Variants in FTCDNL1 observed in about 807,000 individuals in gnomAD.
FTCDNL1 encodes the protein formiminotransferase cyclodeaminase N-terminal like.
FTCDNL1 carries 11 observed loss-of-function variants against 5.9 expected under a neutral mutation model. The ratio of observed to expected loss-of-function variants is 1.87; its 90% confidence interval spans 1.18 to 3.10. FTCDNL1 has a LOEUF of 3.10. Among genes scored for constraint, FTCDNL1 ranks in the 30% most tolerant of loss-of-function variants. The probability of loss-of-function intolerance (pLI) is 0.00; values close to 1 mark genes in which losing one functional copy is unlikely to be tolerated. For missense variants in FTCDNL1, 115 were observed against 65.5 expected, an observed-to-expected ratio of 1.76 and a Z score of -2.61; for synonymous variants, 58 against 24.8, an observed-to-expected ratio of 2.34 and a Z score of -3.99.
At chr2:199,680,242 C>T in the FTCDNL1 span, among the ~76,000 whole-genome samples, 2 of 152,126 alleles carry the variant, frequency 1.3e-5, no homozygotes, top group Admixed American at 6.6e-5. Context: ...TCAATATAAG[C>T]AAACCATTGT....
At chr2:199,759,009 C>A (rs77828168), downstream of FTCDNL1, among the ~76,000 whole-genome samples, 905 of 152,112 alleles carry the variant, frequency 5.9e-3, 7 homozygotes, top group African/African-American at 0.02. Flanking sequence ...ACAAAATGTA[C>A]AGTGTAATAT....
the FTCDNL1 span, among the ~76,000 whole-genome samples, chr2:199,668,661 G>A: frequency 2.0e-4 from 30 of 152,064 alleles, no homozygotes; most frequent in Non-Finnish European, 1.5e-5. Flanking sequence ...ACCCCAGTCA[G>A]TTTCCTATTA....
chr2:199,847,309 A>G (rs2076757413), intron 2 of FTCDNL1, among the ~76,000 whole-genome samples: 1 of 152,192 alleles, frequency 6.6e-6, no homozygotes, highest in Non-Finnish European at 1.5e-5. Flanking sequence ...TTTCTTAACT[A>G]GTGCTACCTT....
chr2:199,818,219 A>G, intron 4 of FTCDNL1: 1 of 152,334 alleles, frequency 6.6e-6, no homozygotes, highest in Middle Eastern at 3.4e-3. Context: ...ATTAGAAACC[A>G]GGAAATGGAT....
chr2:199,722,682 G>A, the FTCDNL1 span, among the ~76,000 whole-genome samples: 1 of 152,232 alleles, frequency 6.6e-6, no homozygotes, highest in East Asian at 1.9e-4. Context: ...AGCTTGATGG[G>A]ACTAGCATTG....
the FTCDNL1 span, among the ~76,000 whole-genome samples, chr2:199,745,812 G>A: frequency 6.6e-6 from 1 of 151,980 alleles, no homozygotes; most frequent in South Asian, 2.1e-4. Flanking sequence ...CAGAGACCTT[G>A]GGTAGGAGTT....
At chr2:199,809,260 CT>C (rs901765807), downstream of FTCDNL1, among the ~76,000 whole-genome samples, 6 of 141,370 alleles carry the variant, frequency 4.2e-5, no homozygotes, top group East Asian at 2.1e-4. Context: ...TTTTTTTTAA[CT>C]TTTTTTTTTC....
At chr2:199,677,596 C>A in the FTCDNL1 span, among the ~76,000 whole-genome samples, 5 of 152,192 alleles carry the variant, frequency 3.3e-5, no homozygotes, top group African/African-American at 1.2e-4. Flanking sequence ...GAAATTCTGA[C>A]CATGTTATGA....
chr2:199,741,276 TCA>T, the FTCDNL1 span, among the ~76,000 whole-genome samples: 6 of 151,968 alleles, frequency 3.9e-5, no homozygotes, highest in African/African-American at 1.4e-4. Context: ...ACCCTGTCTC[TCA>T]AATAAAACAA....
chr2:199,756,815 T>C (rs1306623955), downstream of FTCDNL1, among the ~76,000 whole-genome samples: 1 of 152,228 alleles, frequency 6.6e-6, no homozygotes, highest in South Asian at 2.1e-4. Context: ...CCCTGTTCCA[T>C]GTCCTCTTCA....
chr2:199,851,134 G>A lies in FTCDNL1; in HGVS notation c.-402C>T, dbSNP rs1210810666. On this transcript the variant is annotated 5_prime_UTR_variant, in exon 1 of 5. Coordinates refer to ENST00000420128, the MANE Select transcript of FTCDNL1 (RefSeq NM_001363886.2). The stretch of plus-strand genomic sequence containing the variant: ...CCAGCCCAAGTCGCCGCCGCGCGTG[G>A]CCCGCGCGCAGCCTCCGCCGCCGCG... 1 of 137,666 alleles carries A rather than the reference G, an allele frequency of 7.3e-6. No individual in the cohort carries two copies. The highest frequency in any genetic ancestry group is 1.5e-5 in the Non-Finnish European group (1 of 65,298). The allele number at this position is 137,666 out of a possible 1,614,324, so 8.5% of individuals were successfully genotyped here. A position where few individuals can be genotyped will look rare whatever the true frequency, so the allele number is the denominator to read the frequency against.
the FTCDNL1 span, among the ~76,000 whole-genome samples, chr2:199,668,369 C>T: frequency 6.6e-6 from 1 of 152,074 alleles, no homozygotes; most frequent in Non-Finnish European, 1.5e-5. Flanking sequence ...CAGTAGTGAA[C>T]AAATGTCCTA....
intron 3 of FTCDNL1, among the ~76,000 whole-genome samples, chr2:199,786,365 G>T (rs1172296497): frequency 1.3e-5 from 2 of 151,726 alleles, no homozygotes; most frequent in Non-Finnish European, 2.9e-5. Context: ...CTTAAAAGGG[G>T]GTGTCACTTA....
chr2:199,676,272 G>A, the FTCDNL1 span, among the ~76,000 whole-genome samples: 1 of 152,120 alleles, frequency 6.6e-6, no homozygotes, highest in Non-Finnish European at 1.5e-5. Flanking sequence ...GCCAGACCTT[G>A]CTGGTCAGTG....
rs964421458 is a variant in FTCDNL1 at position 199,810,344 on chromosome 2, C to T, written c.*2361G>A. Among the ~76,000 whole-genome samples the T allele has an allele frequency of 6.6e-6, 1 of 151,942 alleles. No individual in the cohort carries two copies. Among genetic ancestry groups the T allele is most frequent in the East Asian group, 1.9e-4 (1 of 5,186 alleles). Reference sequence around the variant, plus strand: ...AGGGAAAGAGGTCACTAAAAACTAACAAACAGCCTTGGAACTGGGAAAAGC... The same window carrying T: ...AGGGAAAGAGGTCACTAAAAACTAATAAACAGCCTTGGAACTGGGAAAAGC... On this transcript the variant is annotated 3_prime_UTR_variant, in exon 5 of 5. Transcript: ENST00000420128.
the FTCDNL1 span, among the ~76,000 whole-genome samples, chr2:199,734,517 T>C: frequency 1.3e-5 from 2 of 152,254 alleles, no homozygotes; most frequent in African/African-American, 2.4e-5. Context: ...TCAGAAACTT[T>C]TCCTTTAGAG....
At chr2:199,724,059 A>G in the FTCDNL1 span, among the ~76,000 whole-genome samples, 1 of 152,268 alleles carries the variant, frequency 6.6e-6, no homozygotes, top group African/African-American at 2.4e-5. Context: ...CCTCAATTTC[A>G]GAACTCATTA....
chr2:199,752,578 G>T, the FTCDNL1 span, among the ~76,000 whole-genome samples: 1 of 152,162 alleles, frequency 6.6e-6, no homozygotes, highest in Non-Finnish European at 1.5e-5. Context: ...TTGGCCAGCA[G>T]ATGGCCTTGG....
chr2:199,664,158 G>A, the FTCDNL1 span, among the ~76,000 whole-genome samples: 9 of 151,716 alleles, frequency 5.9e-5, no homozygotes, highest in South Asian at 2.1e-4. Flanking sequence ...AATAAAGATC[G>A]GTGATATTGT....
Sources: allele counts gnomAD v4.1 joint callset (sites outside exome capture counted in the v4.1 genomes callset), GRCh38; gene constraint gnomAD v4.1.1; transcripts MANE v1.5; gene names NCBI Gene and HGNC (gene_info 2026-07-23, HGNC 2026-07-21).